Variants in SLC23A1 observed in about 807,000 individuals in gnomAD.
SLC23A1 encodes the protein solute carrier family 23 member 1.
A neutral mutation model predicts 62.5 loss-of-function variants in SLC23A1; 31 were observed. That is an observed-to-expected ratio of 0.50 (90% CI 0.37 to 0.67). SLC23A1 has a LOEUF of 0.67. Ranked by LOEUF, SLC23A1 falls within the 30% of genes least tolerant of loss-of-function variation. The pLI is 0.00. For missense variants in SLC23A1, 640 were observed against 782.7 expected, an observed-to-expected ratio of 0.82 and a Z score of 2.18; for synonymous variants, 271 against 313.2, an observed-to-expected ratio of 0.87 and a Z score of 1.42.
chr5:139,380,094 A>G lies in SLC23A1; in HGVS notation c.648-18T>C, dbSNP rs145193469. On this transcript the variant is annotated intron_variant, in intron 6 of 14. Transcript: ENST00000348729. Reference sequence around the variant, plus strand: ...GAATGGAGCTGGGGGCAGAGGCACAATCAGGAAGTGGATGGGAGGCCAGGC... The same window carrying G: ...GAATGGAGCTGGGGGCAGAGGCACAGTCAGGAAGTGGATGGGAGGCCAGGC... 2.5e-6 allele frequency: 4 copies of G among 1,600,472 alleles called. No individual in the cohort carries two copies. Among genetic ancestry groups the G allele is most frequent in the Non-Finnish European group, 3.4e-6 (4 of 1,173,222 alleles).
chr5:139,374,370 C>T (rs1757839500), intron 13 of SLC23A1, among the ~76,000 whole-genome samples: 1 of 152,158 alleles, frequency 6.6e-6, no homozygotes, highest in African/African-American at 2.4e-5. Context: ...ATGGTGTGAA[C>T]CTGGGAGGCA....
At chr5:139,383,127 T>C in intron 1 of SLC23A1, 91 bp downstream of exon 1, 1 of 834,966 alleles carries the variant, frequency 1.2e-6, no homozygotes, top group Non-Finnish European at 1.8e-6. Context: ...TCAGAACGTT[T>C]ATCTCTGGCC....
Position 139,372,155 on chromosome 5 carries a change from T to A in SLC23A1, c.1648A>T (p.Met550Leu). The A allele has an allele frequency of 6.2e-7, 1 of 1,613,684 alleles. No homozygotes were observed. Among genetic ancestry groups the A allele is most frequent in the Admixed American group, 1.7e-5 (1 of 60,022 alleles). ...AAGGTAATTCTTTTTACTATGCCCATCCCAATGGGGAAATCGTAGCTCTTG... is the reference window on the plus strand; with the variant it reads ...AAGGTAATTCTTTTTACTATGCCCAACCCAATGGGGAAATCGTAGCTCTTG... ...SLKSYDFPIG[M>L]GIVKRITFLK... The change falls in exon 14 of 15, where the codon ATG becomes TTG. Residue 550 changes from methionine (M) to leucine (L), a missense_variant. Physicochemically the swap from Met to Leu is conservative, Grantham distance 15. Coordinates refer to ENST00000348729, the MANE Select transcript of SLC23A1 (RefSeq NM_005847.5).
intron 14 of SLC23A1, chr5:139,369,355 T>C (rs1177894968): frequency 1.3e-5 from 2 of 152,882 alleles, no homozygotes; most frequent in African/African-American, 2.4e-5. Flanking sequence ...GTTAGAAATA[T>C]TGAGTTCTAA....
intron 13 of SLC23A1, among the ~76,000 whole-genome samples, chr5:139,372,835 G>A (rs535238139): frequency 6.6e-6 from 1 of 152,174 alleles, no homozygotes; most frequent in South Asian, 2.1e-4. Flanking sequence ...TGCCTGGCTT[G>A]GCCTCCCAAA....
chr5:139,378,798 G>A lies in SLC23A1; in HGVS notation c.1074-114C>T, dbSNP rs548162431. On this transcript the variant is annotated intron_variant, in intron 9 of 14. Transcript: ENST00000348729. The surrounding 1 kb of genome is among the most constrained non-coding windows in gnomAD (Gnocchi z 4.5). ...GCTGTGGGGGCTGCAGCTATCAGCTGTAGCACTCCCTACTACAGGCCAGAA... is the reference window on the plus strand; with the variant it reads ...GCTGTGGGGGCTGCAGCTATCAGCTATAGCACTCCCTACTACAGGCCAGAA... The A allele has an allele frequency of 1.6e-5, 12 of 771,476 alleles. No individual in the cohort carries two copies. In the East Asian group the frequency reaches 2.4e-4, roughly 15 times the overall value. 47.8% of individuals were successfully genotyped at this position (771,476 alleles called of 1,614,324 possible). A position where few individuals can be genotyped will look rare whatever the true frequency, so the allele number is the denominator to read the frequency against.
Position 139,379,122 on chromosome 5 carries a change from C to T in SLC23A1, c.1073+85G>A, listed in dbSNP as rs1005382257. On this transcript the variant is annotated intron_variant, in intron 9 of 14. Coordinates refer to ENST00000348729, the MANE Select transcript of SLC23A1 (RefSeq NM_005847.5). This position sits in a 1 kb window ranked among gnomAD's most constrained non-coding sequence, Gnocchi z 4.7. ...CGTGTTCCCGACTTGCCTAAGCCTA[C>T]CCCCTGGGCCTCCACCCCGTTCCTG... is the stretch of plus-strand genomic sequence containing the variant. 3.1e-5 allele frequency: 44 copies of T among 1,426,326 alleles called. No individual in the cohort carries two copies. The highest frequency in any genetic ancestry group is 4.2e-5 in the Non-Finnish European group (43 of 1,021,624). The allele number at this position is 1,426,326 out of a possible 1,614,324, so 88.4% of individuals were successfully genotyped here.
At chr5:139,381,263 G>A (rs1043888848) in intron 3 of SLC23A1, among the ~76,000 whole-genome samples, 5 of 152,236 alleles carry the variant, frequency 3.3e-5, no homozygotes, top group South Asian at 2.1e-4. Flanking sequence ...ACTCGGGAGC[G>A]TGGGGCCCTG....
chr5:139,368,580 T>A (rs1057163810), intron 14 of SLC23A1, among the ~76,000 whole-genome samples: 2 of 151,836 alleles, frequency 1.3e-5, no homozygotes, highest in Non-Finnish European at 2.9e-5. Flanking sequence ...ATAGCTTACA[T>A]CTGGTTCTTC....
Position 139,378,406 on chromosome 5 carries a change from A to G in SLC23A1, c.1180-55T>C. 1 of 1,535,814 alleles carries G rather than the reference A, an allele frequency of 6.5e-7. No individual in the cohort carries two copies. The highest frequency in any genetic ancestry group is 8.8e-7 in the Non-Finnish European group (1 of 1,137,344). Reference sequence around the variant, plus strand: ...CTGGGGACGAGGCTGGGGCGGGGTTAGTTCCAGGGGCGGGGCCTGTTATAA... The same window carrying G: ...CTGGGGACGAGGCTGGGGCGGGGTTGGTTCCAGGGGCGGGGCCTGTTATAA... On this transcript the variant is annotated intron_variant, in intron 10 of 14. Transcript: ENST00000348729. This position sits in a 1 kb window ranked among gnomAD's most constrained non-coding sequence, Gnocchi z 4.5.
chr5:139,375,835 C>A (rs1363248541), intron 13 of SLC23A1, among the ~76,000 whole-genome samples: 7 of 147,420 alleles, frequency 4.7e-5, no homozygotes, highest in Admixed American at 6.7e-5. Flanking sequence ...GACTCCATCT[C>A]AAAAAAAAAA....
chr5:139,378,565 G>T lies in SLC23A1; in HGVS notation c.1179+14C>A, dbSNP rs1250875819. 1 of 1,565,790 alleles carries T rather than the reference G, an allele frequency of 6.4e-7. No homozygotes were observed. Among genetic ancestry groups the T allele is most frequent in the Non-Finnish European group, 8.7e-7 (1 of 1,152,584 alleles). On this transcript the variant is annotated intron_variant, in intron 10 of 14. Transcript: ENST00000348729. This position sits in a 1 kb window ranked among gnomAD's most constrained non-coding sequence, Gnocchi z 4.5. ...GGAATTAGGGCAGGATTTGGCTCTGGCTCGTCGCGACACCTTGGTAATTCC... is the reference window on the plus strand; with the variant it reads ...GGAATTAGGGCAGGATTTGGCTCTGTCTCGTCGCGACACCTTGGTAATTCC...
chr5:139,381,709 C>G (rs1049570847), intron 3 of SLC23A1, among the ~76,000 whole-genome samples, 183 bp downstream of exon 3: 2 of 151,164 alleles, frequency 1.3e-5, no homozygotes, highest in Non-Finnish European at 2.9e-5. Flanking sequence ...GTGCCTAGAT[C>G]AAGATTCCCA....
Position 139,372,932 on chromosome 5 carries a change from A to C in SLC23A1, c.1550-679T>G, listed in dbSNP as rs964831001. 2.2e-4 allele frequency among the ~76,000 whole-genome samples: 34 copies of C among 152,248 alleles called. No individual in the cohort carries two copies. The Middle Eastern group carries it at 0.01, about 46-fold the overall frequency. ...AGGGACAAAAAGTTAAGTAATTGTG[A>C]ACCTAAATCTGTGAGTATGTGGTAA... On this transcript the variant is annotated intron_variant, in intron 13 of 14. Coordinates refer to ENST00000348729, the MANE Select transcript of SLC23A1 (RefSeq NM_005847.5).
intron 14 of SLC23A1, among the ~76,000 whole-genome samples, chr5:139,369,970 C>G (rs1048121860): frequency 7.9e-5 from 12 of 152,188 alleles, no homozygotes; most frequent in Non-Finnish European, 2.9e-5. Flanking sequence ...ATGTAAGAAA[C>G]TTTATGGCTG....
chr5:139,375,686 T>C (rs1332187995), intron 13 of SLC23A1, among the ~76,000 whole-genome samples: 1 of 151,922 alleles, frequency 6.6e-6, no homozygotes, highest in African/African-American at 2.4e-5. Context: ...AATACAAAAA[T>C]TAGCTGGGTG....
intron 4 of SLC23A1, 76 bp downstream of exon 4, chr5:139,380,722 C>T: frequency 6.8e-7 from 1 of 1,469,514 alleles, no homozygotes; most frequent in East Asian, 2.3e-5. Context: ...CTGGTGTTGA[C>T]CCGGGACAGT....
chr5:139,380,877 C>A lies in SLC23A1; in HGVS notation c.318G>T (p.Leu106=). 1 of 1,333,768 alleles carries A rather than the reference C, an allele frequency of 7.5e-7. No homozygotes were observed. 82.6% of individuals were successfully genotyped at this position (1,333,768 alleles called of 1,614,324 possible). The change falls in exon 4 of 15, where the codon CTG becomes CTT. Residue 106 remains leucine (L), a synonymous_variant. Transcript: ENST00000348729. ...GAAATGCAAAGGCACTGGCCTGGAA[C>A]AGCGGCAGCCTGGAGGAGAGGCACA... ...IQTTVGIRLP[L]FQASAFAFLV... is the part of the protein sequence containing the mutation.
rs745663361 is a variant in SLC23A1, at chr5:139,377,955, C to T, written c.1453+20G>A. On this transcript the variant is annotated intron_variant, in intron 12 of 14. Transcript: ENST00000348729. ...TTTGGGCCCACCCCGCCTTTGGAGA[C>T]AGTAAACAGCTGGAGGCACCTGTAT... 1 of 1,611,636 alleles carries T rather than the reference C, an allele frequency of 6.2e-7. No individual in the cohort carries two copies. Among genetic ancestry groups the T allele is most frequent in the Non-Finnish European group, 8.5e-7 (1 of 1,178,866 alleles).
Sources: allele counts gnomAD v4.1 joint callset (sites outside exome capture counted in the v4.1 genomes callset), GRCh38; gene constraint gnomAD v4.1.1; non-coding constraint Gnocchi (gnomAD v3.1); transcripts MANE v1.5; gene names NCBI Gene and HGNC (gene_info 2026-07-23, HGNC 2026-07-21).